SPMIP2: variants seen among roughly 807,000 people sequenced by gnomAD.
The protein encoded by SPMIP2 is protein SPMIP2.
At chr4:159,035,161 C>T in the SPMIP2 span, 66 of 1,352,886 alleles carry the variant, frequency 4.9e-5, no homozygotes, top group African/African-American at 7.4e-4. Context: ...TTAAGCTGCA[C>T]CAGAAAGAAC....
At chr4:158,969,979 A>C in the SPMIP2 span, among the ~76,000 whole-genome samples, 1 of 146,414 alleles carries the variant, frequency 6.8e-6, no homozygotes, top group African/African-American at 2.8e-5. Flanking sequence ...GACAGATAAG[A>C]AACTGGAGAA....
chr4:159,051,690 A>G, the SPMIP2 span, among the ~76,000 whole-genome samples: 1 of 152,200 alleles, frequency 6.6e-6, no homozygotes, highest in African/African-American at 2.4e-5. Flanking sequence ...TATTTCTTCA[A>G]TAGCAAACAC....
the SPMIP2 span, among the ~76,000 whole-genome samples, chr4:159,058,633 G>A: frequency 1.3e-5 from 2 of 152,118 alleles, no homozygotes; most frequent in African/African-American, 4.8e-5. Flanking sequence ...TTTAAAAGGT[G>A]TATGGTTCTA....
the SPMIP2 span, among the ~76,000 whole-genome samples, chr4:158,962,769 C>A: frequency 2.6e-5 from 4 of 152,178 alleles, no homozygotes; most frequent in Middle Eastern, 3.4e-3. Context: ...TTGAAGTATT[C>A]ATTTTACATT....
At chr4:158,995,782 G>A in the SPMIP2 span, among the ~76,000 whole-genome samples, 33 of 149,410 alleles carry the variant, frequency 2.2e-4, no homozygotes, top group East Asian at 6.1e-3. Flanking sequence ...GCTTGAACCC[G>A]GGAGACGGAG....
chr4:159,082,706 C>T, the SPMIP2 span, among the ~76,000 whole-genome samples: 1 of 152,290 alleles, frequency 6.6e-6, no homozygotes, highest in South Asian at 2.1e-4. Context: ...TTAGAAACTA[C>T]ATTGCAAAAA....
the SPMIP2 span, among the ~76,000 whole-genome samples, chr4:158,893,926 C>G: frequency 6.6e-6 from 1 of 152,058 alleles, no homozygotes; most frequent in East Asian, 1.9e-4. Flanking sequence ...TTTAACCTGA[C>G]AAAACCAAGA....
the SPMIP2 span, among the ~76,000 whole-genome samples, chr4:158,984,317 C>T: frequency 7.8e-6 from 1 of 128,292 alleles, no homozygotes; most frequent in East Asian, 2.3e-4. Flanking sequence ...ACCCCAAATC[C>T]ACAGAATATA....
chr4:158,917,383 C>T, the SPMIP2 span, among the ~76,000 whole-genome samples: 2 of 151,936 alleles, frequency 1.3e-5, no homozygotes, highest in Admixed American at 6.6e-5. Flanking sequence ...GCTGAGATCA[C>T]ATCACTGCAC....
the SPMIP2 span, among the ~76,000 whole-genome samples, chr4:159,074,284 C>G: frequency 6.6e-6 from 1 of 152,130 alleles, no homozygotes; most frequent in Middle Eastern, 3.4e-3. Flanking sequence ...GCTGTATGCT[C>G]ATATAGCAGT....
At chr4:159,029,019 C>T in the SPMIP2 span, among the ~76,000 whole-genome samples, 3 of 152,132 alleles carry the variant, frequency 2.0e-5, no homozygotes, top group Middle Eastern at 3.2e-3. Flanking sequence ...CGCTTGAATC[C>T]AGGAGGCAGA....
chr4:159,005,660 G>T, the SPMIP2 span, among the ~76,000 whole-genome samples: 7 of 152,090 alleles, frequency 4.6e-5, no homozygotes, highest in East Asian at 1.9e-4. Context: ...TAGTACAAAA[G>T]AAAAAATGTA....
At chr4:158,964,162 C>CAAAACAAAACAA in the SPMIP2 span, among the ~76,000 whole-genome samples, 1 of 110,646 alleles carries the variant, frequency 9.0e-6, no homozygotes, top group African/African-American at 2.9e-5. Flanking sequence ...CAAAACAAAA[C>CAAAACAAAACAA]AAAACAAAAC....
At chr4:159,010,316 G>T in the SPMIP2 span, among the ~76,000 whole-genome samples, 1 of 152,202 alleles carries the variant, frequency 6.6e-6, no homozygotes, top group Non-Finnish European at 1.5e-5. Flanking sequence ...TTCACAGCAC[G>T]TGTTCATCCA....
the SPMIP2 span, among the ~76,000 whole-genome samples, chr4:158,932,412 T>G: frequency 1.8e-3 from 278 of 152,290 alleles, no homozygotes; most frequent in Non-Finnish European, 3.1e-3. Flanking sequence ...GAGGTTGCAG[T>G]GAGCCAAGAT....
At chr4:158,973,665 C>A in the SPMIP2 span, among the ~76,000 whole-genome samples, 1 of 152,012 alleles carries the variant, frequency 6.6e-6, no homozygotes, top group Non-Finnish European at 1.5e-5. Context: ...CTTAATTGAC[C>A]CATTAAACTG....
the SPMIP2 span, among the ~76,000 whole-genome samples, chr4:159,063,550 AAAATAAATAAAT>A: frequency 4.0e-5 from 6 of 148,542 alleles, no homozygotes; most frequent in South Asian, 2.2e-4. Context: ...ATCCTGTCTC[AAAATAAATAAAT>A]AAATAAATAA....
chr4:158,993,666 G>A, the SPMIP2 span, among the ~76,000 whole-genome samples: 3 of 151,862 alleles, frequency 2.0e-5, no homozygotes, highest in Admixed American at 6.6e-5. Flanking sequence ...AACAAAGGCC[G>A]CTGCCTTTAT....
the SPMIP2 span, among the ~76,000 whole-genome samples, chr4:158,936,920 C>T: frequency 6.6e-6 from 1 of 152,180 alleles, no homozygotes; most frequent in African/African-American, 2.4e-5. Flanking sequence ...CCTTTTTATT[C>T]CAAAACTGGA....
Sources: gnomAD v4.1 joint callset for allele counts (sites outside exome capture counted in the v4.1 genomes callset) on GRCh38, gnomAD v4.1.1 for gene constraint, MANE v1.5 for transcripts, NCBI Gene and HGNC (gene_info 2026-07-23, HGNC 2026-07-21) for gene names.